Variants in COPG2 observed in about 807,000 individuals in gnomAD.
COPG2 encodes coat protein complex I subunit gamma 2, also known as coatomer subunit gamma-2.
In COPG2, 37 loss-of-function variants were observed where a neutral mutation model predicts 46.3. The observed-to-expected ratio is 0.80, with a 90% confidence interval of 0.61 to 1.05. The LOEUF (loss-of-function observed/expected upper bound fraction) is 1.05, where lower values mean the gene tolerates loss of function less well. COPG2 is among the 50% of genes least tolerant of loss of function. COPG2 has a pLI of 0.00. For synonymous variants in COPG2, 159 were observed against 129.7 expected, an observed-to-expected ratio of 1.23 and a Z score of -1.53; for missense variants, 427 against 387.8, an observed-to-expected ratio of 1.10 and a Z score of -0.85.
intron 20 of COPG2, among the ~76,000 whole-genome samples, chr7:130,510,673 G>A (rs1226768386): frequency 6.6e-6 from 1 of 152,104 alleles, no homozygotes; most frequent in African/African-American, 2.4e-5. Context: ...AAGAGATTAA[G>A]GAAGTAAATA....
Position 130,636,457 on chromosome 7 carries a change from C to T in COPG2, c.323+16412G>A, listed in dbSNP as rs535053967. ...TCTTCTTGTTGCATTGATCCCTTTA[C>T]CATTATGTAATGCCTTTCTTTGTCT... On this transcript the variant is annotated intron_variant, in intron 5 of 23. Coordinates refer to ENST00000425248, the MANE Select transcript of COPG2 (RefSeq NM_012133.6). Among the ~76,000 whole-genome samples the T allele has an allele frequency of 2.7e-4, 41 of 151,702 alleles. No homozygotes were observed. The South Asian group carries it at 6.7e-3, about 25-fold the overall frequency.
intron 5 of COPG2, among the ~76,000 whole-genome samples, chr7:130,644,345 T>C (rs1423263002): frequency 6.6e-6 from 1 of 152,146 alleles, no homozygotes; most frequent in African/African-American, 2.4e-5. Context: ...GGTTAGGAGT[T>C]CCCAAGCTCT....
intron 20 of COPG2, among the ~76,000 whole-genome samples, chr7:130,533,512 C>G (rs1799849165): frequency 1.3e-5 from 2 of 151,576 alleles, no homozygotes; most frequent in Non-Finnish European, 2.9e-5. Flanking sequence ...AATGTTGGGA[C>G]AATGTATCAG....
At chr7:130,625,466 G>C (rs1167015643) in intron 5 of COPG2, among the ~76,000 whole-genome samples, 5 of 151,694 alleles carry the variant, frequency 3.3e-5, no homozygotes, top group Non-Finnish European at 5.9e-5. Context: ...CATCCTTGCT[G>C]TGGTTCCTGA....
chr7:130,634,749 G>A lies in COPG2; in HGVS notation c.324-17684C>T, dbSNP rs558510588. On this transcript the variant is annotated intron_variant, in intron 5 of 23. Coordinates refer to ENST00000425248, the MANE Select transcript of COPG2 (RefSeq NM_012133.6). The stretch of plus-strand genomic sequence containing the variant: ...TAGCCAGAACTTCCAATAATATGTT[G>A]AATAGGAGTGGTGAGAGAGGGCATC... Among the ~76,000 whole-genome samples, 14 of 152,136 alleles carry A rather than the reference G, an allele frequency of 9.2e-5. No individual in the cohort carries two copies. The South Asian group carries it at 2.7e-3, about 29-fold the overall frequency.
At chr7:130,532,318 G>A (rs1247923107) in intron 20 of COPG2, among the ~76,000 whole-genome samples, 1 of 152,216 alleles carries the variant, frequency 6.6e-6, no homozygotes, top group African/African-American at 2.4e-5. Context: ...GAAGGGTCCA[G>A]TGACACAGAG....
At chr7:130,626,084 A>C (rs1438191125) in intron 5 of COPG2, among the ~76,000 whole-genome samples, 1 of 152,184 alleles carries the variant, frequency 6.6e-6, no homozygotes, top group East Asian at 1.9e-4. Flanking sequence ...CATCTCCTCA[A>C]ACATTTATCA....
intron 5 of COPG2, among the ~76,000 whole-genome samples, chr7:130,639,889 G>A (rs1795428929): frequency 6.6e-6 from 1 of 152,092 alleles, no homozygotes; most frequent in Non-Finnish European, 1.5e-5. Context: ...ATGCAAGTGG[G>A]CCCACCTTCA....
rs1794837076 is a variant in COPG2, at chr7:130,610,995, A to G, written c.695T>C (p.Leu232Pro). 6.2e-7 allele frequency: 1 copy of G among 1,613,890 alleles called. No individual in the cohort carries two copies. The highest frequency in any genetic ancestry group is 8.5e-7 in the Non-Finnish European group (1 of 1,179,900). The change falls in exon 9 of 24, where the codon CTG becomes CCG. Residue 232 changes from leucine to proline, a missense_variant. By Grantham distance (98) the Leu-to-Pro change is moderately conservative. Coordinates refer to ENST00000425248, the MANE Select transcript of COPG2 (RefSeq NM_012133.6). ...TAGTAAGCGACTGGCAATTCGGATC[A>G]GCATGCAGTAAGCAAACTGTGACTT... is the stretch of plus-strand genomic sequence containing the variant. ...GLKSQFAYCM[L>P]IRIASRLLKE...
Position 130,668,730 on chromosome 7 carries a change from C to T in COPG2, c.-62G>A, listed in dbSNP as rs1554462152. On this transcript the variant is annotated 5_prime_UTR_variant, in exon 1 of 24. Transcript: ENST00000425248. Reference sequence around the variant, plus strand: ...CGTCCCAGGCGCCGCAGCCGGCGAGCGGAAGAGGCTGCAGGAAGGCCGGCC... The same window carrying T: ...CGTCCCAGGCGCCGCAGCCGGCGAGTGGAAGAGGCTGCAGGAAGGCCGGCC... 37 of 1,492,136 alleles carry T rather than the reference C, an allele frequency of 2.5e-5. No individual in the cohort carries two copies. Among genetic ancestry groups the T allele is most frequent in the Non-Finnish European group, 3.2e-5 (36 of 1,116,622 alleles). The allele number at this position is 1,492,136 out of a possible 1,614,324, so 92.4% of individuals were successfully genotyped here.
intron 9 of COPG2, among the ~76,000 whole-genome samples, chr7:130,580,189 A>T (rs1464088327): frequency 1.2e-4 from 18 of 152,282 alleles, no homozygotes; most frequent in Admixed American, 8.5e-4. Context: ...GGATTAAGAA[A>T]CTCACTCAAA....
intron 9 of COPG2, among the ~76,000 whole-genome samples, chr7:130,584,675 G>A (rs183117645): frequency 1.1e-4 from 16 of 151,892 alleles, no homozygotes; most frequent in East Asian, 7.7e-4. Flanking sequence ...GCAACTAAGC[G>A]GAGAATCAAA....
At chr7:130,624,138 C>T (rs1374243461) in intron 5 of COPG2, among the ~76,000 whole-genome samples, 1 of 152,016 alleles carries the variant, frequency 6.6e-6, no homozygotes. Context: ...TTCATAAGGG[C>T]ACTAATTCCA....
intron 20 of COPG2, among the ~76,000 whole-genome samples, chr7:130,533,591 G>A (rs1281966722): frequency 6.6e-6 from 1 of 152,138 alleles, no homozygotes; most frequent in Non-Finnish European, 1.5e-5. Context: ...TGTCTCCCTA[G>A]TGGCAGAACG....
At chr7:130,644,306 A>AT (rs1305461147) in intron 5 of COPG2, among the ~76,000 whole-genome samples, 1 of 152,156 alleles carries the variant, frequency 6.6e-6, no homozygotes, top group African/African-American at 2.4e-5. Flanking sequence ...TTTGCATCTA[A>AT]TCACTTTGTG....
rs1231092741 is a variant in COPG2 at position 130,662,881 on chromosome 7, C to T, written c.243+86G>A. On this transcript the variant is annotated intron_variant, in intron 4 of 23. Transcript: ENST00000425248. ...ATAATTTAAAACATTTCAAGCAATG[C>T]TCCCTAATTTAGAACACTCTTAGTT... The T allele has an allele frequency of 1.1e-5, 8 of 741,374 alleles. No homozygotes were observed. The East Asian group carries it at 2.2e-4, about 20-fold the overall frequency. The allele number at this position is 741,374 out of a possible 1,614,324, so 45.9% of individuals were successfully genotyped here. A position where few individuals can be genotyped will look rare whatever the true frequency, so the allele number is the denominator to read the frequency against.
rs1799526179 is a variant in COPG2 at position 130,507,832 on chromosome 7, T to C, written c.2248-9A>G. 1 of 779,650 alleles carries C rather than the reference T, an allele frequency of 1.3e-6. No homozygotes were observed. The highest frequency in any genetic ancestry group is 1.7e-5 in the Admixed American group (1 of 58,860). The allele number at this position is 779,650 out of a possible 1,614,324, so 48.3% of individuals were successfully genotyped here. On this transcript the variant is annotated splice_polypyrimidine_tract_variant and intron_variant, in intron 21 of 23. Transcript: ENST00000425248. Reference sequence around the variant, plus strand: ...ACTTCGAGATCTTCCAGCTAGTGGGTAATAAGCAGTCAGTAAAGAAAAGTC... The same window carrying C: ...ACTTCGAGATCTTCCAGCTAGTGGGCAATAAGCAGTCAGTAAAGAAAAGTC...
intron 20 of COPG2, among the ~76,000 whole-genome samples, chr7:130,534,318 G>A (rs1269430607): frequency 2.6e-5 from 4 of 152,304 alleles, no homozygotes; most frequent in East Asian, 1.9e-4. Flanking sequence ...GACTCATATC[G>A]TTTGAGTCCA....
intron 4 of COPG2, among the ~76,000 whole-genome samples, chr7:130,662,176 A>G (rs1345158691): frequency 6.6e-6 from 1 of 152,122 alleles, no homozygotes; most frequent in Non-Finnish European, 1.5e-5. Flanking sequence ...TAGAGTATAT[A>G]ATGGCCTCCC....
Sources: allele counts gnomAD v4.1 joint callset (sites outside exome capture counted in the v4.1 genomes callset), GRCh38; gene constraint gnomAD v4.1.1; transcripts MANE v1.5; gene names NCBI Gene and HGNC (gene_info 2026-07-23, HGNC 2026-07-21).